Variants in NELL1 observed in about 807,000 individuals in gnomAD.
The protein encoded by NELL1 is neural EGFL like 1.
A neutral mutation model predicts 107.4 loss-of-function variants in NELL1; 76 were observed. The observed-to-expected ratio is 0.71, with a 90% confidence interval of 0.59 to 0.86. The LOEUF (loss-of-function observed/expected upper bound fraction) is 0.86, where lower values mean the gene tolerates loss of function less well. Ranked by LOEUF, NELL1 falls within the 40% of genes least tolerant of loss-of-function variation. NELL1 has a pLI of 0.00. For synonymous variants in NELL1, 353 were observed against 341.2 expected (o/e 1.03, Z -0.38); for missense variants, 1,024 against 1,005.5 (o/e 1.02, Z -0.25).
chr11:21,547,587 A>C (rs985439029), intron 16 of NELL1, among the ~76,000 whole-genome samples: 3 of 151,956 alleles, frequency 2.0e-5, no homozygotes, highest in Non-Finnish European at 4.4e-5. Flanking sequence ...ATAATTACGC[A>C]AATGTAGTAG....
intron 2 of NELL1, among the ~76,000 whole-genome samples, chr11:20,716,622 A>G (rs2133902870): frequency 6.6e-6 from 1 of 152,288 alleles, no homozygotes. Context: ...TACAAGATAG[A>G]TAGTAGAGAG....
intron 14 of NELL1, among the ~76,000 whole-genome samples, chr11:21,337,837 T>TTGCTTTCTTTC (rs1555006224): frequency 3.5e-5 from 3 of 86,654 alleles, no homozygotes; most frequent in East Asian, 8.7e-4. Flanking sequence ...TCTTTCTTTC[T>TTGCTTTCTTTC]TTTCTTTCTT....
chr11:21,338,763 C>T (rs1850493752), intron 14 of NELL1, among the ~76,000 whole-genome samples: 1 of 152,002 alleles, frequency 6.6e-6, no homozygotes, highest in Admixed American at 6.5e-5. Flanking sequence ...GCTCATAAAA[C>T]TTGAGCAAAA....
intron 12 of NELL1, among the ~76,000 whole-genome samples, chr11:21,001,322 G>C (rs943082201): frequency 2.6e-5 from 4 of 152,214 alleles, no homozygotes; most frequent in African/African-American, 9.6e-5. Flanking sequence ...ACATTGGAAA[G>C]GGGAGAGGTG....
intron 13 of NELL1, among the ~76,000 whole-genome samples, chr11:21,190,900 G>A (rs1192396323): frequency 6.6e-6 from 1 of 151,756 alleles, no homozygotes; most frequent in Non-Finnish European, 1.5e-5. Flanking sequence ...GACAATGAGA[G>A]AGGTCATAGA....
chr11:20,885,668 A>T (rs186223360), intron 5 of NELL1, 128 bp downstream of exon 5: 3 of 633,882 alleles, frequency 4.7e-6, no homozygotes, highest in Non-Finnish European at 8.6e-6. Flanking sequence ...ACTAATGTTT[A>T]TTGAACACTT....
intron 9 of NELL1, among the ~76,000 whole-genome samples, chr11:20,934,412 A>T: frequency 6.6e-6 from 1 of 152,204 alleles, no homozygotes; most frequent in East Asian, 1.9e-4. Context: ...GTGGACATTT[A>T]ATTTTTATAA....
intron 13 of NELL1, among the ~76,000 whole-genome samples, chr11:21,201,063 G>A (rs190925736): frequency 6.4e-4 from 98 of 152,208 alleles, no homozygotes; most frequent in African/African-American, 2.0e-3. Flanking sequence ...GTCAGGTAGC[G>A]TGATGCTTCC....
chr11:20,763,988 C>T (rs574025538), intron 2 of NELL1, among the ~76,000 whole-genome samples: 52 of 152,360 alleles, frequency 3.4e-4, no homozygotes, highest in Non-Finnish European at 5.3e-4. Flanking sequence ...AACATTGTGC[C>T]ATGAGCTGCA....
intron 13 of NELL1, among the ~76,000 whole-genome samples, chr11:21,137,592 C>A (rs1855771845): frequency 6.6e-6 from 1 of 152,252 alleles, no homozygotes; most frequent in African/African-American, 2.4e-5. Flanking sequence ...GGAGAAAAAC[C>A]TGATGAAGAC....
intron 15 of NELL1, among the ~76,000 whole-genome samples, chr11:21,432,230 T>A (rs541276292): frequency 4.4e-4 from 67 of 152,276 alleles, no homozygotes; most frequent in African/African-American, 1.6e-3. Context: ...TTTTGACTTT[T>A]CAGCTGTTTG....
chr11:20,915,162 T>A, intron 5 of NELL1, among the ~76,000 whole-genome samples: 1 of 152,072 alleles, frequency 6.6e-6, no homozygotes, highest in Admixed American at 6.6e-5. Context: ...TGGGTTTTAT[T>A]CAGTTCCAAA....
At chr11:21,547,816 G>A (rs1856480702) in intron 16 of NELL1, among the ~76,000 whole-genome samples, 1 of 151,778 alleles carries the variant, frequency 6.6e-6, no homozygotes, top group Non-Finnish European at 1.5e-5. Context: ...ATGACTTCCT[G>A]CTTTATAGAT....
At chr11:21,008,842 AGT>A (rs1170418745) in intron 12 of NELL1, among the ~76,000 whole-genome samples, 4 of 152,128 alleles carry the variant, frequency 2.6e-5, no homozygotes, top group Non-Finnish European at 5.9e-5. Flanking sequence ...ATTTAACAAA[AGT>A]AATTTAACAG....
At position 21,180,408 on chromosome 11, in the gene NELL1, C is replaced by G. The variant is rs920401823; in HGVS notation, c.1427-48924C>G. On this transcript the variant is annotated intron_variant, in intron 13 of 19. Coordinates refer to ENST00000357134, the MANE Select transcript of NELL1 (RefSeq NM_006157.5). ...TGATTCTGTTTGGCATGCTGCTGCT[C>G]ATGATTTTTATCAGATAATTTACAC... Among the ~76,000 whole-genome samples, 26 of 151,686 alleles carry G rather than the reference C, an allele frequency of 1.7e-4. 2 individuals carry two copies. The highest frequency in any genetic ancestry group is 6.3e-4 in the African/African-American group (26 of 41,038).
intron 4 of NELL1, among the ~76,000 whole-genome samples, chr11:20,880,143 A>G (rs1270692038): frequency 6.6e-6 from 1 of 152,262 alleles, no homozygotes; most frequent in Non-Finnish European, 1.5e-5. Flanking sequence ...GAGTTCTTGC[A>G]TTGTAACATT....
At chr11:21,019,055 T>A (rs1163684793) in intron 12 of NELL1, among the ~76,000 whole-genome samples, 1 of 152,084 alleles carries the variant, frequency 6.6e-6, no homozygotes, top group East Asian at 1.9e-4. Flanking sequence ...CAGGGAGATA[T>A]AATAGAGTTT....
intron 15 of NELL1, among the ~76,000 whole-genome samples, chr11:21,467,587 G>A (rs1289190659): frequency 6.6e-6 from 1 of 151,844 alleles, no homozygotes; most frequent in Admixed American, 6.6e-5. Flanking sequence ...TTTTTTTAAG[G>A]TAGCCATGCT....
intron 14 of NELL1, among the ~76,000 whole-genome samples, chr11:21,231,533 A>G (rs1000140058): frequency 6.6e-6 from 1 of 152,234 alleles, no homozygotes; most frequent in Admixed American, 6.5e-5. Flanking sequence ...CCTGCATGCT[A>G]GTGCTATAAA....
Sources: allele counts gnomAD v4.1 joint callset (sites outside exome capture counted in the v4.1 genomes callset), GRCh38; gene constraint gnomAD v4.1.1; transcripts MANE v1.5; gene names NCBI Gene and HGNC (gene_info 2026-07-23, HGNC 2026-07-21).